Variants in ITGA1 observed in about 807,000 individuals in gnomAD.
ITGA1 encodes integrin subunit alpha 1.
A neutral mutation model predicts 145.9 loss-of-function variants in ITGA1; 85 were observed. That is an observed-to-expected ratio of 0.58 (90% CI 0.49 to 0.70). The LOEUF is 0.70. Ranked by LOEUF, ITGA1 falls within the 30% of genes least tolerant of loss-of-function variation. The probability of loss-of-function intolerance (pLI) is 0.00; values close to 1 mark genes in which losing one functional copy is unlikely to be tolerated. For synonymous variants in ITGA1, 520 were observed against 495.3 expected, an observed-to-expected ratio of 1.05 and a Z score of -0.66; for missense variants, 1,351 against 1,418.7, an observed-to-expected ratio of 0.95 and a Z score of 0.77.
chr5:52,800,852 C>A, intron 1 of ITGA1: 1 of 1,609,762 alleles, frequency 6.2e-7, no homozygotes, highest in Non-Finnish European at 8.5e-7. Flanking sequence ...TGCTTAGTCA[C>A]TCCCAGCATG....
chr5:52,934,440 T>G (rs922812782), intron 23 of ITGA1, among the ~76,000 whole-genome samples: 1 of 151,924 alleles, frequency 6.6e-6, no homozygotes, highest in African/African-American at 2.4e-5. Flanking sequence ...ACAATTGTCT[T>G]GGCAATTTTT....
chr5:52,944,972 A>C lies in ITGA1; in HGVS notation c.3315A>C (p.Ile1105=), dbSNP rs1751112620. 6.8e-6 allele frequency: 11 copies of C among 1,612,956 alleles called. 1 individual carries two copies. In the African/African-American group the frequency reaches 1.2e-4, roughly 18 times the overall value. ...ATTTTTCCAGCTTAAATCTTACTAT[A>C]AGGGGAGAACTTCGGAGTGAAAATG... ...KSYFSSLNLT[I]RGELRSENAS... Residue 1105 remains isoleucine, a synonymous_variant, in exon 27 of 29, where the codon ATA becomes ATC. Coordinates refer to ENST00000282588, the MANE Select transcript of ITGA1 (RefSeq NM_181501.2).
chr5:52,887,270 T>A (rs563159057), intron 7 of ITGA1, among the ~76,000 whole-genome samples: 1 of 152,228 alleles, frequency 6.6e-6, no homozygotes, highest in South Asian at 2.1e-4. Flanking sequence ...GATGTCCCTA[T>A]CCCCAGGACA....
Position 52,893,752 on chromosome 5 carries a change from C to G in ITGA1, c.1002C>G (p.Pro334=). Residue 334 remains proline (P), a synonymous_variant, in exon 9 of 29, where the codon CCC becomes CCG. Transcript: ENST00000282588. ...VEEIKSIASE[P]TEKHFFNVSD... ...AAATAAAATCAATTGCAAGTGAACC[C>G]ACTGAAAAGCATTTCTTCAATGTCT... is the stretch of plus-strand genomic sequence containing the variant. 6.2e-7 allele frequency: 1 copy of G among 1,612,618 alleles called. No individual in the cohort carries two copies. The highest frequency in any genetic ancestry group is 8.5e-7 in the Non-Finnish European group (1 of 1,178,948).
chr5:52,881,521 G>A (rs540304310), intron 6 of ITGA1, among the ~76,000 whole-genome samples: 2 of 152,278 alleles, frequency 1.3e-5, no homozygotes, highest in Non-Finnish European at 1.5e-5. Context: ...ATGATCACGT[G>A]TTTAATCTCT....
At position 52,788,286 on chromosome 5, in the gene ITGA1, C is replaced by G. The variant is rs1429104476; in HGVS notation, c.-68C>G. On this transcript the variant is annotated 5_prime_UTR_variant, in exon 1 of 29. Coordinates refer to ENST00000282588, the MANE Select transcript of ITGA1 (RefSeq NM_181501.2). ...CGGGATAAGTGGCCCAGCCAGAGAG[C>G]GCAGCTCCCGCGCCCGGTCCTGCCC... 2 of 1,260,768 alleles carry G rather than the reference C, an allele frequency of 1.6e-6. No homozygotes were observed. Among genetic ancestry groups the G allele is most frequent in the Non-Finnish European group, 2.1e-6 (2 of 959,114 alleles). The allele number at this position is 1,260,768 out of a possible 1,614,324, so 78.1% of individuals were successfully genotyped here.
chr5:52,904,137 G>C (rs1750360405), intron 11 of ITGA1: 1 of 152,286 alleles, frequency 6.6e-6, no homozygotes, highest in Non-Finnish European at 1.5e-5. Flanking sequence ...CCAAACCGTG[G>C]AGCTGGACAG....
intron 2 of ITGA1, among the ~76,000 whole-genome samples, chr5:52,856,306 C>G (rs893444576): frequency 6.6e-6 from 1 of 152,096 alleles, no homozygotes; most frequent in African/African-American, 2.4e-5. Flanking sequence ...CACAATAGCT[C>G]TCCTATTAGC....
intron 1 of ITGA1, among the ~76,000 whole-genome samples, chr5:52,828,152 T>C (rs1748999457): frequency 6.6e-6 from 1 of 152,224 alleles, no homozygotes; most frequent in African/African-American, 2.4e-5. Flanking sequence ...TTCAATTCTT[T>C]GGGGGTGATA....
intron 2 of ITGA1, among the ~76,000 whole-genome samples, chr5:52,854,529 C>G (rs955190378): frequency 6.6e-6 from 1 of 152,044 alleles, no homozygotes; most frequent in Non-Finnish European, 1.5e-5. Context: ...AATGCTTATT[C>G]CATTTATTTA....
At chr5:52,848,398 A>G (rs1425952121) in intron 1 of ITGA1, among the ~76,000 whole-genome samples, 1 of 152,214 alleles carries the variant, frequency 6.6e-6, no homozygotes, top group Non-Finnish European at 1.5e-5. Context: ...TCACTGCTGG[A>G]AAACTATCTG....
chr5:52,902,853 G>A (rs1410219122), intron 11 of ITGA1: 2 of 152,142 alleles, frequency 1.3e-5, no homozygotes, highest in African/African-American at 4.8e-5. Flanking sequence ...GGGATTACAG[G>A]CATGCACCAC....
At chr5:52,915,079 T>TC (rs1225909555) in intron 14 of ITGA1, among the ~76,000 whole-genome samples, 2 of 152,012 alleles carry the variant, frequency 1.3e-5, no homozygotes, top group Non-Finnish European at 2.9e-5. Context: ...TATACTCCCC[T>TC]CCCCCCTTTG....
intron 2 of ITGA1, 110 bp downstream of exon 2, chr5:52,849,595 T>C: frequency 9.6e-7 from 1 of 1,043,260 alleles, no homozygotes. Flanking sequence ...ATGAATTATT[T>C]ATGGTAGAAA....
chr5:52,798,681 G>C (rs956830479), intron 1 of ITGA1, among the ~76,000 whole-genome samples: 1 of 152,122 alleles, frequency 6.6e-6, no homozygotes, highest in Non-Finnish European at 1.5e-5. Context: ...GCATTTTTAC[G>C]TAAGATAACA....
At chr5:52,948,511 G>A (rs1038525768) in intron 28 of ITGA1, among the ~76,000 whole-genome samples, 4 of 152,154 alleles carry the variant, frequency 2.6e-5, no homozygotes, top group Non-Finnish European at 5.9e-5. Context: ...AGAGGAGATG[G>A]TGAACAAAGC....
chr5:52,927,635 G>A lies in ITGA1; in HGVS notation c.2665G>A (p.Gly889Arg), dbSNP rs1198971413. The A allele has an allele frequency of 3.1e-6, 5 of 1,610,498 alleles. No homozygotes were observed. Among genetic ancestry groups the A allele is most frequent in the East Asian group, 2.2e-5 (1 of 44,842 alleles). Residue 889 changes from glycine (G) to arginine (R), a missense_variant, in exon 20 of 29, where the codon GGA becomes AGA. Coordinates refer to ENST00000282588, the MANE Select transcript of ITGA1 (RefSeq NM_181501.2). ...TAATCATAATATCACATGTAAAGTT[G>A]GATATCCCTTCCTGAGAAGAGGAGA... ...ESNHNITCKV[G>R]YPFLRRGEMV...
At chr5:52,911,474 A>G (rs530812235) in intron 14 of ITGA1, among the ~76,000 whole-genome samples, 1 of 130,122 alleles carries the variant, frequency 7.7e-6, no homozygotes, top group Non-Finnish European at 1.6e-5. Flanking sequence ...TCTAGTATAT[A>G]GATACACTAT....
chr5:52,829,351 C>T (rs1247021591), intron 1 of ITGA1, among the ~76,000 whole-genome samples: 2 of 151,916 alleles, frequency 1.3e-5, no homozygotes, highest in African/African-American at 2.4e-5. Context: ...CATAGTGAAA[C>T]CTGTCTTTAC....
Sources: gnomAD v4.1 joint callset for allele counts (sites outside exome capture counted in the v4.1 genomes callset) on GRCh38, gnomAD v4.1.1 for gene constraint, MANE v1.5 for transcripts, NCBI Gene and HGNC (gene_info 2026-07-23, HGNC 2026-07-21) for gene names.